The following SCMH1 variants were observed in gnomAD, a reference collection of about 807,000 sequenced individuals.
The protein encoded by SCMH1 is Scm polycomb group protein homolog 1.
Under a neutral mutation model 70.8 loss-of-function variants are expected in SCMH1, and 37 were observed. The observed-to-expected ratio is 0.52, with a 90% CI of 0.40 to 0.69. The LOEUF is 0.69. Ranked by LOEUF, SCMH1 falls within the 30% of genes least tolerant of loss-of-function variation. The probability of loss-of-function intolerance (pLI) is 0.00; values close to 1 mark genes in which losing one functional copy is unlikely to be tolerated. For synonymous variants in SCMH1, 292 were observed against 307.4 expected (o/e 0.95, Z 0.52); for missense variants, 607 against 827.3 (o/e 0.73, Z 3.27).
intron 10 of SCMH1, among the ~76,000 whole-genome samples, chr1:41,058,627 G>A (rs1263139862): frequency 1.3e-5 from 2 of 151,882 alleles, no homozygotes; most frequent in African/African-American, 4.8e-5. Flanking sequence ...TGATCCACCC[G>A]CCTCAGCCTT....
chr1:41,108,150 G>A (rs868304397), intron 8 of SCMH1, among the ~76,000 whole-genome samples: 1 of 152,168 alleles, frequency 6.6e-6, no homozygotes, highest in African/African-American at 2.4e-5. Flanking sequence ...GTATGCTAAA[G>A]TGCAGCACCT....
intron 1 of SCMH1, among the ~76,000 whole-genome samples, chr1:41,221,214 A>T (rs1161565417): frequency 1.3e-5 from 2 of 152,162 alleles, no homozygotes; most frequent in African/African-American, 4.8e-5. Context: ...AAATTCAGAG[A>T]TACAAAGTAA....
At chr1:41,157,630 G>A (rs749788581) in intron 4 of SCMH1, among the ~76,000 whole-genome samples, 1 of 152,184 alleles carries the variant, frequency 6.6e-6, no homozygotes, top group African/African-American at 2.4e-5. Flanking sequence ...GGATTTGGGA[G>A]GCTTCACAGA....
intron 6 of SCMH1, among the ~76,000 whole-genome samples, chr1:41,129,578 TC>T (rs1327892154): frequency 1.3e-5 from 2 of 152,228 alleles, no homozygotes; most frequent in African/African-American, 4.8e-5. Context: ...CTCTCTCTCT[TC>T]CCCAGCCCCG....
intron 10 of SCMH1, among the ~76,000 whole-genome samples, chr1:41,065,084 T>C (rs745773381): frequency 6.6e-6 from 1 of 152,252 alleles, no homozygotes; most frequent in Non-Finnish European, 1.5e-5. Context: ...TTTGTGTTCA[T>C]GGATAAGAAG....
chr1:41,168,107 C>T (rs1050770245), intron 2 of SCMH1, among the ~76,000 whole-genome samples: 12 of 150,902 alleles, frequency 8.0e-5, no homozygotes, highest in African/African-American at 2.7e-4. Context: ...TGGATCTTTT[C>T]GGGTTCATCT....
intron 8 of SCMH1, chr1:41,098,582 C>A (rs1159707237): frequency 1.3e-5 from 2 of 152,104 alleles, no homozygotes; most frequent in African/African-American, 2.4e-5. Flanking sequence ...TTTGAAAATT[C>A]TGTGAGAATT....
chr1:41,069,094 T>G (rs1231413438), intron 10 of SCMH1, among the ~76,000 whole-genome samples: 1 of 152,136 alleles, frequency 6.6e-6, no homozygotes, highest in Non-Finnish European at 1.5e-5. Flanking sequence ...ATCAACAAGA[T>G]TTCCCCTGAA....
At chr1:41,149,365 T>TCTTCCA (rs1644862347) in intron 5 of SCMH1, among the ~76,000 whole-genome samples, 1 of 152,202 alleles carries the variant, frequency 6.6e-6, no homozygotes, top group Non-Finnish European at 1.5e-5. Context: ...CTTTTTAATA[T>TCTTCCA]CTTCCATGTC....
intron 6 of SCMH1, among the ~76,000 whole-genome samples, chr1:41,137,511 G>T (rs901328286): frequency 1.3e-5 from 2 of 152,074 alleles, no homozygotes; most frequent in African/African-American, 4.8e-5. Context: ...TTTACTTTTT[G>T]TCCTCTTGAC....
At chr1:41,069,552 T>TA (rs1256923975) in intron 10 of SCMH1, among the ~76,000 whole-genome samples, 3 of 152,082 alleles carry the variant, frequency 2.0e-5, no homozygotes, top group African/African-American at 7.2e-5. Context: ...TCTCTACAGT[T>TA]AAAAAAATGA....
At chr1:41,202,303 G>A (rs1319875401) in intron 1 of SCMH1, among the ~76,000 whole-genome samples, 2 of 151,910 alleles carry the variant, frequency 1.3e-5, no homozygotes, top group Admixed American at 1.3e-4. Context: ...CAAAGTGCTG[G>A]GATTACAGGC....
intron 6 of SCMH1, among the ~76,000 whole-genome samples, chr1:41,140,542 C>T (rs1002925782): frequency 4.6e-5 from 7 of 152,104 alleles, no homozygotes; most frequent in Non-Finnish European, 7.4e-5. Flanking sequence ...CTGCCCGCCT[C>T]GGCCTCCCAA....
chr1:41,207,689 T>TA (rs1436691487), intron 1 of SCMH1, among the ~76,000 whole-genome samples: 1 of 152,204 alleles, frequency 6.6e-6, no homozygotes, highest in African/African-American at 2.4e-5. Context: ...CAAGCAGACC[T>TA]AATAGACATC....
intron 6 of SCMH1, among the ~76,000 whole-genome samples, chr1:41,139,670 TG>T (rs1391369180): frequency 6.6e-6 from 1 of 151,924 alleles, no homozygotes; most frequent in African/African-American, 2.4e-5. Context: ...TATCACTAAA[TG>T]AAAAAAGGCA....
intron 7 of SCMH1, among the ~76,000 whole-genome samples, chr1:41,114,010 TGTAATA>T (rs1364340353): frequency 6.6e-6 from 1 of 152,240 alleles, no homozygotes; most frequent in Non-Finnish European, 1.5e-5. Context: ...CATTTTAACT[TGTAATA>T]GTATTTCATT....
chr1:41,208,519 A>G (rs1367699215), intron 1 of SCMH1, among the ~76,000 whole-genome samples: 1 of 152,206 alleles, frequency 6.6e-6, no homozygotes, highest in African/African-American at 2.4e-5. Context: ...AGAAATCACA[A>G]CAAACTGTCT....
chr1:41,156,033 C>T (rs1212262113), intron 4 of SCMH1, among the ~76,000 whole-genome samples: 1 of 150,994 alleles, frequency 6.6e-6, no homozygotes, highest in Admixed American at 6.6e-5. Context: ...GTCCTTCCAG[C>T]CTCTGCTGAA....
chr1:41,142,276 C>G (rs1644166223), intron 6 of SCMH1, among the ~76,000 whole-genome samples: 1 of 152,096 alleles, frequency 6.6e-6, no homozygotes, highest in Non-Finnish European at 1.5e-5. Context: ...TTGAGACTCA[C>G]TGTAATAGTG....
Sources: gnomAD v4.1 joint callset for allele counts (sites outside exome capture counted in the v4.1 genomes callset) on GRCh38, gnomAD v4.1.1 for gene constraint, MANE v1.5 for transcripts, NCBI Gene and HGNC (gene_info 2026-07-23, HGNC 2026-07-21) for gene names.